The following UTRN variants were observed in gnomAD, a reference collection of about 807,000 sequenced individuals.
UTRN encodes the protein dystrophin-related protein 1.
UTRN carries 283 observed loss-of-function variants against 463.9 expected under a neutral mutation model. The ratio of observed to expected loss-of-function variants is 0.61; its 90% CI spans 0.55 to 0.67. The LOEUF is 0.67. Ranked by LOEUF, UTRN falls within the 30% of genes least tolerant of loss-of-function variation. The pLI, the probability that UTRN is intolerant of heterozygous loss-of-function variation, is 0.00. For missense variants in UTRN, 3,922 were observed against 4,084.3 expected (o/e 0.96, Z 1.08); for synonymous variants, 1,442 against 1,431.5 (o/e 1.01, Z -0.17).
At chr6:144,422,435 G>A (rs1340543216) in intron 4 of UTRN, among the ~76,000 whole-genome samples, 1 of 152,204 alleles carries the variant, frequency 6.6e-6, no homozygotes, top group Non-Finnish European at 1.5e-5. Context: ...TGAGCAACAT[G>A]GTGAAACCCC....
chr6:144,648,748 A>T (rs1778519097), intron 51 of UTRN, among the ~76,000 whole-genome samples: 1 of 152,144 alleles, frequency 6.6e-6, no homozygotes, highest in South Asian at 2.1e-4. Context: ...TATTTTGGTA[A>T]CTTTGTAAAT....
intron 51 of UTRN, among the ~76,000 whole-genome samples, chr6:144,581,714 C>T (rs1801984814): frequency 6.6e-6 from 1 of 152,120 alleles, no homozygotes; most frequent in Non-Finnish European, 1.5e-5. Context: ...ACATACTGTA[C>T]AGTTCATTCA....
At chr6:144,824,248 G>A (rs1458682947) in intron 66 of UTRN, among the ~76,000 whole-genome samples, 3 of 151,816 alleles carry the variant, frequency 2.0e-5, no homozygotes, top group Admixed American at 6.6e-5. Context: ...GCCTTTGGGG[G>A]TCTTTGAGTA....
At chr6:144,510,273 T>A (rs991376013) in intron 34 of UTRN, among the ~76,000 whole-genome samples, 4 of 152,210 alleles carry the variant, frequency 2.6e-5, no homozygotes, top group Non-Finnish European at 5.9e-5. Flanking sequence ...ATTCTGTGAC[T>A]ATATACTTTG....
chr6:144,569,076 C>G (rs920818673), intron 50 of UTRN, among the ~76,000 whole-genome samples: 1 of 151,820 alleles, frequency 6.6e-6, no homozygotes, highest in Non-Finnish European at 1.5e-5. Flanking sequence ...GATAAAAAAT[C>G]TTGTAATATT....
At chr6:144,566,958 G>A (rs914670672) in intron 50 of UTRN, among the ~76,000 whole-genome samples, 1 of 151,984 alleles carries the variant, frequency 6.6e-6, no homozygotes, top group Admixed American at 6.6e-5. Flanking sequence ...ACTAGCCTGG[G>A]AAATATGGCA....
At chr6:144,473,989 A>G (rs534942028) in intron 24 of UTRN, among the ~76,000 whole-genome samples, 156 bp downstream of exon 24, 47 of 152,102 alleles carry the variant, frequency 3.1e-4, no homozygotes, top group Non-Finnish European at 6.2e-4. Flanking sequence ...TATAGCTAAT[A>G]AAAGAATGAC....
At chr6:144,364,136 T>C (rs528467818) in intron 2 of UTRN, among the ~76,000 whole-genome samples, 125 of 152,302 alleles carry the variant, frequency 8.2e-4, no homozygotes, top group Non-Finnish European at 1.4e-3. Flanking sequence ...TAAATTGAGT[T>C]ATGGCAAAGC....
chr6:144,769,803 A>G (rs541878801), intron 58 of UTRN, among the ~76,000 whole-genome samples: 7 of 152,298 alleles, frequency 4.6e-5, no homozygotes, highest in South Asian at 2.1e-4. Context: ...CAAGAGATCA[A>G]TGAACCCTAG....
intron 2 of UTRN, among the ~76,000 whole-genome samples, chr6:144,335,530 A>C (rs1386522495): frequency 1.3e-5 from 2 of 152,196 alleles, no homozygotes; most frequent in African/African-American, 4.8e-5. Context: ...TTCCTGAGGC[A>C]ATGATATGGC....
At chr6:144,572,903 A>G (rs561055614) in intron 50 of UTRN, among the ~76,000 whole-genome samples, 2 of 152,284 alleles carry the variant, frequency 1.3e-5, no homozygotes, top group South Asian at 2.1e-4. Flanking sequence ...AATCTTTTGC[A>G]TATATACCCA....
intron 2 of UTRN, among the ~76,000 whole-genome samples, chr6:144,359,052 C>A (rs2114679141): frequency 6.6e-6 from 1 of 152,118 alleles, no homozygotes. Flanking sequence ...TAGTTTACTT[C>A]TAGTTTCAAC....
At chr6:144,385,418 A>G (rs1781324715) in intron 2 of UTRN, among the ~76,000 whole-genome samples, 1 of 152,250 alleles carries the variant, frequency 6.6e-6, no homozygotes, top group Admixed American at 6.5e-5. Flanking sequence ...GTCTAAAAAT[A>G]TGAAAGTGGA....
At chr6:144,516,436 T>A (rs1450735378) in intron 38 of UTRN, 49 bp downstream of exon 38, 1 of 1,557,004 alleles carries the variant, frequency 6.4e-7, no homozygotes, top group African/African-American at 1.4e-5. Context: ...TTTTCTTCTC[T>A]ATTAATTTCA....
Position 144,485,372 on chromosome 6 carries a change from T to C in UTRN, c.3688-13T>C. On this transcript the variant is annotated splice_polypyrimidine_tract_variant and intron_variant, in intron 27 of 74. Transcript: ENST00000367545. The stretch of plus-strand genomic sequence containing the variant: ...ATGGCTTTTTGTCTAATTTAAAATT[T>C]TTCATGCTTTAGGAGGTCTGGTCTT... 2 of 1,613,628 alleles carry C rather than the reference T, an allele frequency of 1.2e-6. No individual in the cohort carries two copies. Among genetic ancestry groups the C allele is most frequent in the Non-Finnish European group, 1.7e-6 (2 of 1,179,840 alleles).
intron 51 of UTRN, among the ~76,000 whole-genome samples, chr6:144,656,148 G>A (rs372209937): frequency 6.6e-6 from 1 of 152,086 alleles, no homozygotes; most frequent in Non-Finnish European, 1.5e-5. Context: ...GTAGTGTCAA[G>A]CATATTCCAC....
chr6:144,737,742 C>G (rs2128717992), intron 54 of UTRN, among the ~76,000 whole-genome samples: 1 of 152,046 alleles, frequency 6.6e-6, no homozygotes, highest in Middle Eastern at 3.4e-3. Flanking sequence ...TAGTCCCTGA[C>G]TTTTGTTTGA....
intron 58 of UTRN, 33 bp from the exon 59 acceptor site, chr6:144,771,874 G>T (rs1410875455): frequency 1.3e-6 from 2 of 1,552,200 alleles, no homozygotes; most frequent in Non-Finnish European, 1.7e-6. Context: ...TTGATTTTTT[G>T]TTTATTTTTA....
chr6:144,735,333 T>G (rs557625248), intron 54 of UTRN, among the ~76,000 whole-genome samples: 7 of 152,170 alleles, frequency 4.6e-5, no homozygotes, highest in Non-Finnish European at 1.0e-4. Flanking sequence ...GGAATGGCCA[T>G]GCTGGGGACA....
Sources: gnomAD v4.1 joint callset for allele counts (sites outside exome capture counted in the v4.1 genomes callset) on GRCh38, gnomAD v4.1.1 for gene constraint, MANE v1.5 for transcripts, NCBI Gene and HGNC (gene_info 2026-07-23, HGNC 2026-07-21) for gene names.